MAP9: variants seen among roughly 807,000 people sequenced by gnomAD.
MAP9 encodes microtubule-associated protein 9.
A neutral mutation model predicts 75.2 loss-of-function variants in MAP9; 80 were observed. That is an observed-to-expected ratio of 1.06 (90% CI 0.89 to 1.28). MAP9 has a LOEUF of 1.28. Among genes scored for constraint, MAP9 ranks in the 50% most tolerant of loss-of-function variants. MAP9 has a pLI of 0.00. For synonymous variants in MAP9, 235 were observed against 237.3 expected (o/e 0.99, Z 0.09); for missense variants, 753 against 719.9 (o/e 1.05, Z -0.53).
chr4:155,373,296 C>A lies in MAP9; in HGVS notation c.321G>T (p.Val107=). 1 of 1,613,920 alleles carries A rather than the reference C, an allele frequency of 6.2e-7. No individual in the cohort carries two copies. The highest frequency in any genetic ancestry group is 8.5e-7 in the Non-Finnish European group (1 of 1,179,936). ...SNGNITKDEP[V]CAIKNEEEMA... is the part of the protein sequence containing the mutation. ...TTTCCTCTTCATTTTTGATGGCACACACTGGCTCATCTTTGGTTATGTTAC... is the reference window on the plus strand; with the variant it reads ...TTTCCTCTTCATTTTTGATGGCACAAACTGGCTCATCTTTGGTTATGTTAC... The change falls in exon 4 of 14, where the codon GTG becomes GTT. Residue 107 remains valine, a synonymous_variant. Transcript: ENST00000311277.
chr4:155,367,338 G>T (rs554709760), intron 5 of MAP9: 1 of 152,248 alleles, frequency 6.6e-6, no homozygotes, highest in Non-Finnish European at 1.5e-5. Flanking sequence ...CTACAAGCCA[G>T]CTACAAGCCA....
intron 4 of MAP9, 111 bp from the exon 5 acceptor site, chr4:155,368,923 T>C: frequency 1.3e-6 from 1 of 792,866 alleles, no homozygotes; most frequent in Non-Finnish European, 2.0e-6. Context: ...TTGTTCTCTG[T>C]CCTGAAGAGT....
At chr4:155,350,138 C>T (rs1340632839) in intron 13 of MAP9, 1 of 338,926 alleles carries the variant, frequency 3.0e-6, no homozygotes, top group African/African-American at 2.3e-5. Context: ...CCACCAAATG[C>T]TTACTGTTCA....
chr4:155,343,281 AAGAG>A lies in MAP9; in HGVS notation c.*4498_*4501del. ...GGAGAGAGACAGAGTGGGAGAGAGAAAGAGGAGGGAGGAACTATCTCTTCCTTTT... is the reference window on the plus strand; with the variant it reads ...GGAGAGAGACAGAGTGGGAGAGAGAAGAGGGAGGAACTATCTCTTCCTTTT... On this transcript the variant is annotated 3_prime_UTR_variant, in exon 14 of 14. Coordinates refer to ENST00000311277, the MANE Select transcript of MAP9 (RefSeq NM_001039580.2). The A allele has an allele frequency of 6.6e-6, 1 of 150,712 alleles. No individual in the cohort carries two copies. Among genetic ancestry groups the A allele is most frequent in the Non-Finnish European group, 1.5e-5 (1 of 67,542 alleles). The allele number at this position is 150,712 out of a possible 1,614,324, so 9.3% of individuals were successfully genotyped here. A position where few individuals can be genotyped will look rare whatever the true frequency, so the allele number is the denominator to read the frequency against.
rs1041618202 is a variant in MAP9, at chr4:155,355,105, A to G, written c.1346T>C (p.Ile449Thr). 9.9e-6 allele frequency: 14 copies of G among 1,413,096 alleles called. No homozygotes were observed. In the Admixed American group the frequency reaches 2.2e-4, roughly 23 times the overall value. The allele number at this position is 1,413,096 out of a possible 1,614,324, so 87.5% of individuals were successfully genotyped here. ...YLHEMHRIKR[I>T]ESENLRIQNE... ...TTGGATCCTTAAGTTTTCACTTTCA[A>G]TTCTTTTTATTCTGTGCATTTCATG... Residue 449 changes from isoleucine to threonine, a missense_variant, in exon 10 of 14, where the codon ATT (isoleucine) becomes ACT (threonine). Ile to Thr is a moderately conservative substitution (Grantham distance 89, BLOSUM62 -1). Transcript: ENST00000311277.
At chr4:155,367,407 T>G (rs1732380302) in intron 5 of MAP9, 1 of 152,220 alleles carries the variant, frequency 6.6e-6, no homozygotes, top group African/African-American at 2.4e-5. Flanking sequence ...CAAGGAAGGA[T>G]TCTTCCGTGA....
intron 3 of MAP9, among the ~76,000 whole-genome samples, chr4:155,374,403 A>G (rs1732744509): frequency 6.6e-6 from 1 of 152,200 alleles, no homozygotes; most frequent in African/African-American, 2.4e-5. Flanking sequence ...CCTGAAACTA[A>G]AATGTTAATA....
chr4:155,356,641 A>T (rs1370983630), intron 8 of MAP9, among the ~76,000 whole-genome samples: 1 of 152,146 alleles, frequency 6.6e-6, no homozygotes, highest in Admixed American at 6.6e-5. Flanking sequence ...TGGTGGGAAA[A>T]TTTGGCCAGC....
At chr4:155,360,515 CTCT>C in intron 6 of MAP9, 100 bp from the exon 7 acceptor site, 2 of 740,106 alleles carry the variant, frequency 2.7e-6, no homozygotes, top group Non-Finnish European at 3.7e-6. Context: ...TATCTATAAA[CTCT>C]TTTTTCTTGC....
At chr4:155,364,293 G>A (rs1732223786) in intron 5 of MAP9, among the ~76,000 whole-genome samples, 1 of 151,764 alleles carries the variant, frequency 6.6e-6, no homozygotes, top group Non-Finnish European at 1.5e-5. Flanking sequence ...AGCAAAGACT[G>A]AGAAAAATCC....
intron 8 of MAP9, chr4:155,357,208 G>A: frequency 2.2e-6 from 1 of 444,864 alleles, no homozygotes; most frequent in South Asian, 2.4e-5. Flanking sequence ...CAAAGGTATT[G>A]CATAAACATT....
chr4:155,357,571 T>C (rs1187271723), intron 7 of MAP9, 52 bp from the exon 8 acceptor site: 2 of 1,131,340 alleles, frequency 1.8e-6, no homozygotes, highest in East Asian at 2.4e-5. Flanking sequence ...CTATCCTTTT[T>C]AGGCTTAGAA....
At chr4:155,368,178 G>C (rs889655348) in intron 5 of MAP9, 4 of 255,664 alleles carry the variant, frequency 1.6e-5, no homozygotes, top group Admixed American at 9.9e-5. Flanking sequence ...AAATGACACT[G>C]ACTATATTGT....
chr4:155,368,831 A>G lies in MAP9; in HGVS notation c.482-19T>C. Reference sequence around the variant, plus strand: ...TTTTCTGCTGAAAAATAAAATGCTTAAAGTGTGTGTATAAAAAAATGACCA... The same window carrying G: ...TTTTCTGCTGAAAAATAAAATGCTTGAAGTGTGTGTATAAAAAAATGACCA... On this transcript the variant is annotated intron_variant, in intron 4 of 13. Coordinates refer to ENST00000311277, the MANE Select transcript of MAP9 (RefSeq NM_001039580.2). The G allele has an allele frequency of 6.3e-7, 1 of 1,579,410 alleles. No individual in the cohort carries two copies. The highest frequency in any genetic ancestry group is 8.6e-7 in the Non-Finnish European group (1 of 1,159,218).
Position 155,360,224 on chromosome 4 carries a change from G to T in MAP9, c.994C>A (p.Leu332Ile). ...IMDDDRTVDPLLSKSQSILIS... is the reference protein window; with the variant it reads ...IMDDDRTVDPILSKSQSILIS... ...AAGATACTCTGAGATTTAGATAGTA[G>T]TGGATCAACTGTTCTGTCATCATCC... Residue 332 changes from leucine to isoleucine, a missense_variant, in exon 7 of 14, where the codon CTA (leucine) becomes ATA (isoleucine). Physicochemically the swap from Leu to Ile is conservative, Grantham distance 5. Transcript: ENST00000311277. 1.2e-6 allele frequency: 2 copies of T among 1,612,658 alleles called. No individual in the cohort carries two copies. Among genetic ancestry groups the T allele is most frequent in the Non-Finnish European group, 1.7e-6 (2 of 1,178,948 alleles).
rs769469961 is a variant in MAP9 at position 155,353,054 on chromosome 4, A to G, written c.1546T>C (p.Phe516Leu). The G allele has an allele frequency of 1.4e-5, 21 of 1,537,558 alleles. No homozygotes were observed. The highest frequency in any genetic ancestry group is 1.7e-5 in the Non-Finnish European group (19 of 1,140,336). Residue 516 changes from phenylalanine (F) to leucine (L), a missense_variant, in exon 12 of 14, where the codon TTT (phenylalanine) becomes CTT (leucine). Phe to Leu is a conservative substitution (Grantham distance 22). Coordinates refer to ENST00000311277, the MANE Select transcript of MAP9 (RefSeq NM_001039580.2). ...AARKGEALQAFEKWKEKKMEY... is the reference protein window; with the variant it reads ...AARKGEALQALEKWKEKKMEY... The stretch of plus-strand genomic sequence containing the variant: ...ATCTTTTTCTCTTTCCATTTTTCAA[A>G]AGCCTGAAAAAGTTCAGAATAATTT...
chr4:155,363,434 T>A (rs954578436), intron 5 of MAP9: 4 of 151,948 alleles, frequency 2.6e-5, no homozygotes, highest in Non-Finnish European at 5.9e-5. Context: ...CAGAGAATGG[T>A]CAATAGGAAC....
intron 5 of MAP9, among the ~76,000 whole-genome samples, chr4:155,366,466 T>C (rs1560813938): frequency 6.6e-6 from 1 of 152,164 alleles, no homozygotes; most frequent in African/African-American, 2.4e-5. Flanking sequence ...TGCAAAATGA[T>C]TGCGGTTTTT....
intron 10 of MAP9, among the ~76,000 whole-genome samples, chr4:155,353,653 C>G (rs982539194): frequency 6.6e-6 from 1 of 151,538 alleles, no homozygotes; most frequent in Non-Finnish European, 1.5e-5. Context: ...TCAAAATAAA[C>G]TGTAATAGGC....
Sources: allele counts gnomAD v4.1 joint callset (sites outside exome capture counted in the v4.1 genomes callset), GRCh38; gene constraint gnomAD v4.1.1; transcripts MANE v1.5; gene names NCBI Gene and HGNC (gene_info 2026-07-23, HGNC 2026-07-21).